HDHD5: variants seen among roughly 807,000 people sequenced by gnomAD.
HDHD5 encodes the protein haloacid dehalogenase-like hydrolase domain-containing 5.
A neutral mutation model predicts 35.5 loss-of-function variants in HDHD5; 34 were observed. That is an observed-to-expected ratio of 0.96 (90% CI 0.73 to 1.28). The LOEUF is 1.28. Ranked by LOEUF, HDHD5 falls within the 50% of genes most tolerant of loss-of-function variation. The probability of loss-of-function intolerance (pLI) is 0.00; values close to 1 mark genes in which losing one functional copy is unlikely to be tolerated. For synonymous variants in HDHD5, 248 were observed against 240.6 expected, an observed-to-expected ratio of 1.03 and a Z score of -0.29; for missense variants, 589 against 560.2, an observed-to-expected ratio of 1.05 and a Z score of -0.52.
At chr22:17,165,260 C>G in exon 1 of HDHD5, 1 of 774,342 alleles carries the variant, frequency 1.3e-6, no homozygotes, top group Non-Finnish European at 2.4e-6. Flanking sequence ...AGTCCCCTCT[C>G]CTCTTTAGGA....
upstream of HDHD5, among the ~76,000 whole-genome samples, chr22:17,160,634 G>A (rs531828250): frequency 6.9e-6 from 1 of 144,798 alleles, no homozygotes; most frequent in African/African-American, 2.6e-5. Flanking sequence ...GGGTGACGGA[G>A]TGAGACTCCG....
intron 1 of HDHD5, among the ~76,000 whole-genome samples, chr22:17,152,186 T>C (rs1233187607): frequency 4.6e-5 from 7 of 152,158 alleles, no homozygotes; most frequent in African/African-American, 1.7e-4. Flanking sequence ...GAGGCCAATT[T>C]AAGGAGTTTG....
upstream of HDHD5, among the ~76,000 whole-genome samples, chr22:17,162,827 G>A (rs566118693): frequency 6.6e-6 from 1 of 152,294 alleles, no homozygotes; most frequent in Admixed American, 6.5e-5. Context: ...CCATCCTGCC[G>A]GATGCACGGA....
chr22:17,163,270 G>A (rs1194897411), upstream of HDHD5, among the ~76,000 whole-genome samples: 6 of 152,164 alleles, frequency 3.9e-5, no homozygotes, highest in East Asian at 1.2e-3. Context: ...AGCCTTCTAT[G>A]CGCTGACTTG....
In HDHD5 at chr22:17,137,657, G is replaced by A. The variant is rs1217749584; in HGVS notation, c.*364C>T. 3 of 206,140 alleles carry A rather than the reference G, an allele frequency of 1.5e-5. No homozygotes were observed. Among genetic ancestry groups the A allele is most frequent in the African/African-American group, 2.3e-5 (1 of 43,328 alleles). 12.8% of individuals were successfully genotyped at this position (206,140 alleles called of 1,614,324 possible). A position where few individuals can be genotyped will look rare whatever the true frequency, so the allele number is the denominator to read the frequency against. ...CGACAGGCTGCATGCCTTCAGTGCC[G>A]GCAAAGGCTCTGCACAGACATCCAC... On this transcript the variant is annotated 3_prime_UTR_variant, in exon 8 of 8. Coordinates refer to ENST00000336737, the MANE Select transcript of HDHD5 (RefSeq NM_033070.3).
At chr22:17,148,628 G>A in intron 2 of HDHD5, 68 bp from the exon 3 acceptor site, 2 of 1,225,696 alleles carry the variant, frequency 1.6e-6, no homozygotes, top group Admixed American at 1.7e-5. Context: ...AATGAGACAG[G>A]TGGCAGGTCC....
intron 1 of HDHD5, among the ~76,000 whole-genome samples, chr22:17,154,616 CTTTT>C (rs56885882): frequency 7.9e-5 from 10 of 126,194 alleles, no homozygotes; most frequent in Non-Finnish European, 1.4e-4. Context: ...TCCTTATTTT[CTTTT>C]TTTTTTTTTT....
chr22:17,138,544 G>C lies in HDHD5; in HGVS notation c.935+6C>G, dbSNP rs1196719286. Reference sequence around the variant, plus strand: ...AAAGGGACAAAGGAGGGAGAGCAGAGCCTACCCCACAGCATAGAGCTTCCG... The same window carrying C: ...AAAGGGACAAAGGAGGGAGAGCAGACCCTACCCCACAGCATAGAGCTTCCG... On this transcript the variant is annotated splice_donor_region_variant and intron_variant, in intron 7 of 7. Coordinates refer to ENST00000336737, the MANE Select transcript of HDHD5 (RefSeq NM_033070.3). 6 of 1,613,144 alleles carry C rather than the reference G, an allele frequency of 3.7e-6. No individual in the cohort carries two copies. Among genetic ancestry groups the C allele is most frequent in the Non-Finnish European group, 4.2e-6 (5 of 1,179,476 alleles).
chr22:17,141,393 C>T, intron 5 of HDHD5, 160 bp from the exon 6 acceptor site: 1 of 1,383,028 alleles, frequency 7.2e-7, no homozygotes, highest in Non-Finnish European at 9.3e-7. Context: ...AGCCCCTTAC[C>T]CATCCACCCT....
At chr22:17,138,799 A>G in intron 6 of HDHD5, 61 bp from the exon 7 acceptor site, 1 of 1,580,182 alleles carries the variant, frequency 6.3e-7, no homozygotes, top group South Asian at 1.1e-5. Context: ...TCTAGAGAAC[A>G]CGACTGCCAC....
intron 1 of HDHD5, among the ~76,000 whole-genome samples, chr22:17,157,026 C>G (rs1017956052): frequency 6.7e-6 from 1 of 149,524 alleles, no homozygotes; most frequent in African/African-American, 2.5e-5. Flanking sequence ...TGCAGTGGAC[C>G]GAGATGGCGC....
chr22:17,150,153 C>CT, intron 1 of HDHD5, among the ~76,000 whole-genome samples: 1 of 152,182 alleles, frequency 6.6e-6, no homozygotes, highest in Non-Finnish European at 1.5e-5. Context: ...AATAGTTCCC[C>CT]TTTTTTCTCT....
At chr22:17,160,643 C>T (rs1409192226), upstream of HDHD5, among the ~76,000 whole-genome samples, 2 of 123,130 alleles carry the variant, frequency 1.6e-5, no homozygotes, top group Admixed American at 8.9e-5. Context: ...AGTGAGACTC[C>T]GTCTTGAAAA....
In HDHD5 at chr22:17,138,075, G is replaced by A. The variant is rs139103323; in HGVS notation, c.1218C>T (p.Asp406=). The A allele has an allele frequency of 1.9e-4, 305 of 1,613,976 alleles. No homozygotes were observed. The African/African-American group carries it at 3.3e-3, about 17-fold the overall frequency. Residue 406 remains aspartate (D), a synonymous_variant, in exon 8 of 8, where the codon GAC becomes GAT. Coordinates refer to ENST00000336737, the MANE Select transcript of HDHD5 (RefSeq NM_033070.3). ...GLMEASHVVN[D]VNEAVQLVFR... is the part of the protein sequence containing the mutation. ...AGACCAGCTGCACAGCCTCATTCACGTCATTCACCACGTGGGAGGCCTCCA... is the reference window on the plus strand; with the variant it reads ...AGACCAGCTGCACAGCCTCATTCACATCATTCACCACGTGGGAGGCCTCCA...
Position 17,141,153 on chromosome 22 carries a change from G to T in HDHD5, c.652C>A (p.Pro218Thr). ...GGGGGTGTTGCCAGGCCAGCCCCAG[G>T]GCTCCCATTGCTGAGGAGGACATCC... is the stretch of plus-strand genomic sequence containing the variant. Reference protein sequence around the residue: ...IMDVLLSNGSPGAGLATPPYP... With the variant: ...IMDVLLSNGSTGAGLATPPYP... The change falls in exon 6 of 8, where the codon CCT (proline) becomes ACT (threonine). Residue 218 changes from proline (P) to threonine (T), a missense_variant. Pro to Thr is a conservative substitution (Grantham distance 38, BLOSUM62 -1). Transcript: ENST00000336737. 1 of 1,595,050 alleles carries T rather than the reference G, an allele frequency of 6.3e-7. No homozygotes were observed. The highest frequency in any genetic ancestry group is 8.5e-7 in the Non-Finnish European group (1 of 1,172,032).
chr22:17,137,907 G>T lies in HDHD5; in HGVS notation c.*114C>A, dbSNP rs1467968598. 1 of 785,122 alleles carries T rather than the reference G, an allele frequency of 1.3e-6. No individual in the cohort carries two copies. The highest frequency in any genetic ancestry group is 2.7e-5 in the East Asian group (1 of 37,070). 48.6% of individuals were successfully genotyped at this position (785,122 alleles called of 1,614,324 possible). ...TAATGCCACACTCATGGGGCAGCAA[G>T]AAGGGTGGCAAGGGAACCAAGCCCT... On this transcript the variant is annotated 3_prime_UTR_variant, in exon 8 of 8. Coordinates refer to ENST00000336737, the MANE Select transcript of HDHD5 (RefSeq NM_033070.3).
At position 17,149,981 on chromosome 22, in the gene HDHD5, G is replaced by A. The variant is rs1468805522; in HGVS notation, c.127-236C>T. Among the ~76,000 whole-genome samples, 6 of 151,864 alleles carry A rather than the reference G, an allele frequency of 4.0e-5. No individual in the cohort carries two copies. In the East Asian group the frequency reaches 5.8e-4, roughly 15 times the overall value. On this transcript the variant is annotated intron_variant, in intron 1 of 7. Transcript: ENST00000336737. ...TCATTCGCTTTTACAGAGTCTTCCC[G>A]TTGCCCAGACTGGAGTACAGTGGCA...
chr22:17,148,362 C>T, intron 3 of HDHD5, 86 bp downstream of exon 3: 2 of 1,108,956 alleles, frequency 1.8e-6, no homozygotes, highest in South Asian at 2.6e-5. Context: ...ACCCAGCACT[C>T]CTCACTACAG....
At chr22:17,162,940 G>T (rs1455281373), upstream of HDHD5, among the ~76,000 whole-genome samples, 1 of 152,216 alleles carries the variant, frequency 6.6e-6, no homozygotes, top group Non-Finnish European at 1.5e-5. Flanking sequence ...CCCCTGCCCT[G>T]CTGTTGCTTA....
Sources: allele counts gnomAD v4.1 joint callset (sites outside exome capture counted in the v4.1 genomes callset), GRCh38; gene constraint gnomAD v4.1.1; transcripts MANE v1.5; gene names NCBI Gene and HGNC (gene_info 2026-07-23, HGNC 2026-07-21).